LINGO1: variants seen among roughly 807,000 people sequenced by gnomAD.
The protein encoded by LINGO1 is leucine rich repeat and Ig domain containing 1, also known as leucine-rich repeat and immunoglobulin-like domain-containing nogo receptor-interacting protein 1.
LINGO1 carries 11 observed loss-of-function variants against 37.3 expected under a neutral mutation model. That is an observed-to-expected ratio of 0.29 (90% CI 0.19 to 0.49). The LOEUF is 0.49. Among genes scored for constraint, LINGO1 ranks in the 20% least tolerant of loss-of-function variants. The pLI, the probability that LINGO1 is intolerant of heterozygous loss-of-function variation, is 0.99. For synonymous variants in LINGO1, 387 were observed against 403.0 expected, an observed-to-expected ratio of 0.96 and a Z score of 0.48; for missense variants, 585 against 878.2, an observed-to-expected ratio of 0.67 and a Z score of 4.22.
At chr15:77,814,619 C>T (rs572554985) in intron 1 of LINGO1, among the ~76,000 whole-genome samples, 6 of 152,264 alleles carry the variant, frequency 3.9e-5, no homozygotes, top group South Asian at 2.1e-4. Flanking sequence ...AAGTGGGCTA[C>T]GGTAGACATC....
intron 1 of LINGO1, among the ~76,000 whole-genome samples, chr15:77,747,494 T>C (rs2076325916): frequency 6.6e-6 from 1 of 152,196 alleles, no homozygotes; most frequent in Admixed American, 6.5e-5. Context: ...TCTCACTGCC[T>C]AGAAGAGCAG....
At chr15:77,673,937 T>C (rs1269358602) in intron 3 of LINGO1, among the ~76,000 whole-genome samples, 2 of 150,400 alleles carry the variant, frequency 1.3e-5, no homozygotes, top group African/African-American at 2.5e-5. Flanking sequence ...ACTTTGAAAT[T>C]CTTAATTTTT....
chr15:77,766,545 A>G (rs2076532295), intron 1 of LINGO1, among the ~76,000 whole-genome samples: 1 of 152,200 alleles, frequency 6.6e-6, no homozygotes, highest in African/African-American at 2.4e-5. Context: ...TGTCAAAGGC[A>G]GGGCCAGGTA....
intron 2 of LINGO1, among the ~76,000 whole-genome samples, chr15:77,704,207 G>A (rs1003378702): frequency 6.6e-6 from 1 of 152,138 alleles, no homozygotes; most frequent in African/African-American, 2.4e-5. Context: ...GCTCAGAGAG[G>A]TGGCATCAGT....
At chr15:77,709,848 C>T (rs2075897034) in intron 2 of LINGO1, among the ~76,000 whole-genome samples, 1 of 152,218 alleles carries the variant, frequency 6.6e-6, no homozygotes, top group African/African-American at 2.4e-5. Context: ...CAGGGGTAAA[C>T]ACAGGGAAGG....
At chr15:77,713,956 GCTTC>G (rs2075952594) in intron 2 of LINGO1, among the ~76,000 whole-genome samples, 1 of 152,050 alleles carries the variant, frequency 6.6e-6, no homozygotes, top group Admixed American at 6.5e-5. Context: ...CACCCACGTC[GCTTC>G]CTGGTGGTCC....
intron 1 of LINGO1, among the ~76,000 whole-genome samples, chr15:77,771,941 C>T (rs985812343): frequency 6.6e-6 from 1 of 152,210 alleles, no homozygotes; most frequent in Non-Finnish European, 1.5e-5. Flanking sequence ...GGGCCATCCC[C>T]CTCCAGCCTG....
chr15:77,733,740 T>G (rs1209072403), intron 2 of LINGO1, among the ~76,000 whole-genome samples: 1 of 152,194 alleles, frequency 6.6e-6, no homozygotes, highest in Non-Finnish European at 1.5e-5. Context: ...TTAATCACAA[T>G]TAGCAACCCT....
upstream of LINGO1, among the ~76,000 whole-genome samples, chr15:77,700,837 T>G (rs541497986): frequency 2.0e-5 from 3 of 152,166 alleles, no homozygotes; most frequent in Non-Finnish European, 4.4e-5. Context: ...TTAAAAACAC[T>G]GGTGCTATGT....
chr15:77,680,032 G>A (rs972195388), intron 2 of LINGO1, among the ~76,000 whole-genome samples: 1 of 152,240 alleles, frequency 6.6e-6, no homozygotes, highest in Non-Finnish European at 1.5e-5. Context: ...TGGGCCATAT[G>A]AGAAGTTCTG....
At chr15:77,777,490 C>A (rs1483274742) in intron 1 of LINGO1, among the ~76,000 whole-genome samples, 2 of 132,198 alleles carry the variant, frequency 1.5e-5, no homozygotes, top group African/African-American at 5.6e-5. Flanking sequence ...CACACACACA[C>A]ACACACACAC....
At chr15:77,618,122 T>G (rs965788331) in intron 1 of LINGO1, among the ~76,000 whole-genome samples, 1 of 152,082 alleles carries the variant, frequency 6.6e-6, no homozygotes, top group Non-Finnish European at 1.5e-5. Context: ...GGGACCTCAA[T>G]AGGTAAATAG....
At chr15:77,740,497 C>T (rs1452401767) in intron 1 of LINGO1, among the ~76,000 whole-genome samples, 1 of 152,174 alleles carries the variant, frequency 6.6e-6, no homozygotes, top group Non-Finnish European at 1.5e-5. Flanking sequence ...GCACAGACCA[C>T]GCTGGCCTGT....
chr15:77,664,210 G>A (rs998397660), intron 3 of LINGO1, among the ~76,000 whole-genome samples: 9 of 150,258 alleles, frequency 6.0e-5, no homozygotes, highest in African/African-American at 2.0e-4. Flanking sequence ...CCTGGCAGGC[G>A]GAGGGGTGGA....
At chr15:77,818,353 G>A (rs921172823) in intron 1 of LINGO1, among the ~76,000 whole-genome samples, 3 of 152,240 alleles carry the variant, frequency 2.0e-5, no homozygotes, top group African/African-American at 7.2e-5. Flanking sequence ...GCACTTAGGG[G>A]TGTGGGGAGG....
chr15:77,733,070 G>A (rs2076169137), intron 2 of LINGO1, among the ~76,000 whole-genome samples: 1 of 152,076 alleles, frequency 6.6e-6, no homozygotes, highest in Non-Finnish European at 1.5e-5. Context: ...CCTCCTTCCT[G>A]TTTCCAGTCC....
chr15:77,697,133 G>A (rs2075706690), upstream of LINGO1, among the ~76,000 whole-genome samples: 1 of 152,216 alleles, frequency 6.6e-6, no homozygotes, highest in African/African-American at 2.4e-5. Context: ...AATAGAGCCG[G>A]GGCTCAGTGC....
At chr15:77,699,839 T>C (rs539070881), upstream of LINGO1, among the ~76,000 whole-genome samples, 6 of 133,774 alleles carry the variant, frequency 4.5e-5, no homozygotes, top group Non-Finnish European at 9.9e-5. Flanking sequence ...CCCCAGTGTC[T>C]CAAACACACT....
chr15:77,678,171 T>G (rs898708154), intron 2 of LINGO1, among the ~76,000 whole-genome samples: 12 of 152,360 alleles, frequency 7.9e-5, no homozygotes, highest in South Asian at 6.2e-4. Flanking sequence ...ACTTTTTCCA[T>G]CAGGTTTATT....
Sources: gnomAD v4.1 joint callset for allele counts (sites outside exome capture counted in the v4.1 genomes callset) on GRCh38, gnomAD v4.1.1 for gene constraint, MANE v1.5 for transcripts, NCBI Gene and HGNC (gene_info 2026-07-23, HGNC 2026-07-21) for gene names.